NDRG3: variants seen among roughly 807,000 people sequenced by gnomAD.
NDRG3 encodes the protein protein NDRG3.
In NDRG3, 23 loss-of-function variants were observed where a neutral mutation model predicts 57.2. The observed-to-expected ratio is 0.40, with a 90% CI of 0.29 to 0.57. NDRG3 has a LOEUF of 0.57. Ranked by LOEUF, NDRG3 falls within the 20% of genes least tolerant of loss-of-function variation. The pLI is 0.42. For synonymous variants in NDRG3, 132 were observed against 162.6 expected (o/e 0.81, Z 1.43); for missense variants, 384 against 457.3 (o/e 0.84, Z 1.46).
intron 9 of NDRG3, among the ~76,000 whole-genome samples, chr20:36,667,874 C>T (rs984455599): frequency 8.5e-5 from 13 of 152,194 alleles, no homozygotes; most frequent in Admixed American, 2.6e-4. Flanking sequence ...CTGAAGGGTA[C>T]GCGAATCACT....
intron 1 of NDRG3, among the ~76,000 whole-genome samples, chr20:36,731,026 AAAG>A (rs1367252919): frequency 6.6e-6 from 1 of 152,158 alleles, no homozygotes; most frequent in Non-Finnish European, 1.5e-5. Flanking sequence ...TGGGGAGATA[AAAG>A]AATTATGGAA....
At chr20:36,679,178 T>C (rs1049435446) in intron 8 of NDRG3, among the ~76,000 whole-genome samples, 11 of 152,326 alleles carry the variant, frequency 7.2e-5, no homozygotes, top group Middle Eastern at 6.8e-3. Context: ...TGGCTAGTCT[T>C]GAACTCCTGA....
At chr20:36,740,818 A>G (rs1472053227) in intron 1 of NDRG3, among the ~76,000 whole-genome samples, 1 of 152,222 alleles carries the variant, frequency 6.6e-6, no homozygotes, top group Non-Finnish European at 1.5e-5. Context: ...TTAATTTCAC[A>G]TGAATGAGAG....
intron 5 of NDRG3, among the ~76,000 whole-genome samples, chr20:36,685,036 C>A (rs926421634): frequency 4.6e-5 from 7 of 152,086 alleles, no homozygotes; most frequent in Non-Finnish European, 1.0e-4. Context: ...GAGGGTGCCA[C>A]ATGAAAAGAA....
intron 3 of NDRG3, among the ~76,000 whole-genome samples, chr20:36,697,065 A>C (rs1982853275): frequency 6.6e-6 from 1 of 152,180 alleles, no homozygotes; most frequent in African/African-American, 2.4e-5. Flanking sequence ...GGCATTGTCC[A>C]TATCAAAAGA....
At chr20:36,659,987 T>C (rs1979018913) in intron 13 of NDRG3, among the ~76,000 whole-genome samples, 1 of 151,236 alleles carries the variant, frequency 6.6e-6, no homozygotes, top group South Asian at 2.1e-4. Flanking sequence ...GGTGGGTGGA[T>C]CACGAGGACA....
chr20:36,697,045 G>C (rs971681778), intron 3 of NDRG3, among the ~76,000 whole-genome samples: 1 of 152,108 alleles, frequency 6.6e-6, no homozygotes, highest in Admixed American at 6.6e-5. Flanking sequence ...TGGGGTTCTG[G>C]GTGGCCAGGG....
In NDRG3 at chr20:36,746,073, A is replaced by AGCG. The variant is rs1555809887; in HGVS notation, c.-78_-77insCGC. 5 of 304,494 alleles carry AGCG rather than the reference A, an allele frequency of 1.6e-5. No individual in the cohort carries two copies. The Admixed American group carries it at 3.0e-4, about 18-fold the overall frequency. 18.9% of individuals were successfully genotyped at this position (304,494 alleles called of 1,614,324 possible). On this transcript the variant is annotated 5_prime_UTR_variant, in exon 1 of 16. Transcript: ENST00000349004. ...AGGCGCGGGCACCCGCCGTCAGTGC[A>AGCG]GCAGCAGCGGCGGCGGCGGCGGCGG...
chr20:36,726,959 C>G (rs1984975599), intron 1 of NDRG3, among the ~76,000 whole-genome samples: 1 of 151,216 alleles, frequency 6.6e-6, no homozygotes, highest in South Asian at 2.1e-4. Flanking sequence ...CTCTGTTGCC[C>G]AGGCTGGAGC....
intron 8 of NDRG3, among the ~76,000 whole-genome samples, chr20:36,677,087 T>C (rs1980799970): frequency 6.6e-6 from 1 of 152,196 alleles, no homozygotes; most frequent in East Asian, 1.9e-4. Context: ...CCTGGGCCTC[T>C]GGCTCCGGGA....
intron 2 of NDRG3, among the ~76,000 whole-genome samples, chr20:36,712,202 T>C (rs977278503): frequency 1.3e-5 from 2 of 151,776 alleles, no homozygotes; most frequent in Non-Finnish European, 2.9e-5. Context: ...ACTGGGTCTA[T>C]TTGACAGTAA....
chr20:36,692,886 C>G (rs1346241327), intron 3 of NDRG3, among the ~76,000 whole-genome samples: 4 of 150,360 alleles, frequency 2.7e-5, no homozygotes, highest in Non-Finnish European at 5.9e-5. Flanking sequence ...CCAGCCCTGG[C>G]AACATAGCAA....
At chr20:36,694,576 T>C (rs1051476746) in intron 3 of NDRG3, among the ~76,000 whole-genome samples, 3 of 152,140 alleles carry the variant, frequency 2.0e-5, no homozygotes, top group Non-Finnish European at 2.9e-5. Flanking sequence ...CCAAAATCCA[T>C]ACCTTGAAAC....
intron 6 of NDRG3, 84 bp from the exon 7 acceptor site, chr20:36,682,662 T>C (rs1981409035): frequency 8.6e-7 from 1 of 1,166,962 alleles, no homozygotes; most frequent in Admixed American, 1.9e-5. Context: ...CAACCTGGGT[T>C]GAAATCCTGG....
At chr20:36,716,307 C>T (rs999159759) in intron 2 of NDRG3, among the ~76,000 whole-genome samples, 56 of 151,918 alleles carry the variant, frequency 3.7e-4, no homozygotes, top group Middle Eastern at 3.2e-3. Flanking sequence ...CCGAGGCGGA[C>T]GGATCACTTG....
At chr20:36,680,709 T>C (rs937780318) in intron 8 of NDRG3, 107 bp downstream of exon 8, 5 of 744,538 alleles carry the variant, frequency 6.7e-6, no homozygotes, top group Non-Finnish European at 1.2e-5. Context: ...TCAAGCTATA[T>C]ACTTAACATT....
In NDRG3 at chr20:36,653,737, C is replaced by T; in HGVS notation, c.947-36G>A. On this transcript the variant is annotated intron_variant, in intron 15 of 15. Coordinates refer to ENST00000349004, the MANE Select transcript of NDRG3 (RefSeq NM_032013.4). The surrounding 1 kb of genome is among the most constrained non-coding windows in gnomAD (Gnocchi z 4.2). ...GAACCAAGGGGACTAGAAGATGAAG[C>T]CCCGGTTAAGCCCAGCTAACCTAGG... The T allele has an allele frequency of 6.3e-7, 1 of 1,591,910 alleles. No individual in the cohort carries two copies. Among genetic ancestry groups the T allele is most frequent in the Non-Finnish European group, 8.6e-7 (1 of 1,168,184 alleles).
At chr20:36,678,977 G>A (rs1981002524) in intron 8 of NDRG3, among the ~76,000 whole-genome samples, 1 of 152,204 alleles carries the variant, frequency 6.6e-6, no homozygotes, top group Non-Finnish European at 1.5e-5. Context: ...TTGAGAGAGA[G>A]TCTCACTCTG....
At chr20:36,669,087 G>A (rs1034164636) in intron 9 of NDRG3, among the ~76,000 whole-genome samples, 7 of 149,808 alleles carry the variant, frequency 4.7e-5, no homozygotes, top group Non-Finnish European at 1.0e-4. Flanking sequence ...ACAGAGTTTC[G>A]CTCTTGTTGC....
Sources: gnomAD v4.1 joint callset for allele counts (sites outside exome capture counted in the v4.1 genomes callset) on GRCh38, gnomAD v4.1.1 for gene constraint, Gnocchi (gnomAD v3.1) non-coding constraint, MANE v1.5 for transcripts, NCBI Gene and HGNC (gene_info 2026-07-23, HGNC 2026-07-21) for gene names.